The following TAFA1 variants were observed in gnomAD, a reference collection of about 807,000 sequenced individuals.
TAFA1 encodes chemokine-like protein TAFA-1.
In TAFA1, 4 loss-of-function variants were observed where a neutral mutation model predicts 18.5. The observed-to-expected ratio is 0.22, with a 90% confidence interval of 0.11 to 0.49. TAFA1 has a LOEUF of 0.49. Among genes scored for constraint, TAFA1 ranks in the 20% least tolerant of loss-of-function variants. The pLI is 0.98. For missense variants in TAFA1, 147 were observed against 169.0 expected (o/e 0.87, Z 0.72); for synonymous variants, 56 against 55.2 (o/e 1.01, Z -0.06).
intron 2 of TAFA1, among the ~76,000 whole-genome samples, chr3:68,060,184 CTGTGTGTGTGTGTGTGTGTTTGTG>C (rs898287625): frequency 1.4e-5 from 2 of 143,886 alleles, no homozygotes; most frequent in Non-Finnish European, 3.1e-5. Flanking sequence ...ACCATTGCAA[CTGTGTGTGTGTGTGTGTGTTTGTG>C]TGTGTGTGTG....
chr3:68,311,804 G>A (rs2068523130), intron 2 of TAFA1, among the ~76,000 whole-genome samples: 1 of 152,302 alleles, frequency 6.6e-6, no homozygotes, highest in South Asian at 2.1e-4. Flanking sequence ...GGAGGACGGT[G>A]GCCCTCTTCT....
chr3:68,149,514 G>A (rs1020132619), intron 2 of TAFA1, among the ~76,000 whole-genome samples: 3 of 152,148 alleles, frequency 2.0e-5, no homozygotes, highest in African/African-American at 7.2e-5. Context: ...AAGACAAAGG[G>A]GATCCAGTGT....
At chr3:68,258,500 T>C (rs1420405012) in intron 2 of TAFA1, among the ~76,000 whole-genome samples, 1 of 152,202 alleles carries the variant, frequency 6.6e-6, no homozygotes, top group Non-Finnish European at 1.5e-5. Context: ...TTTTTAATAA[T>C]TCTTTTCTCA....
At chr3:68,369,794 C>T (rs138640741) in intron 2 of TAFA1, among the ~76,000 whole-genome samples, 27 of 152,238 alleles carry the variant, frequency 1.8e-4, no homozygotes, top group African/African-American at 6.3e-4. Flanking sequence ...GAATGGTGTG[C>T]ACATTTGCAC....
intron 2 of TAFA1, among the ~76,000 whole-genome samples, chr3:68,238,123 A>G (rs750433092): frequency 1.1e-4 from 17 of 152,060 alleles, no homozygotes; most frequent in Non-Finnish European, 2.4e-4. Context: ...TGTTCGCTTC[A>G]GTTGCTTTTT....
chr3:68,099,571 A>C (rs1559519885), intron 2 of TAFA1, among the ~76,000 whole-genome samples: 1 of 152,170 alleles, frequency 6.6e-6, no homozygotes, highest in Non-Finnish European at 1.5e-5. Flanking sequence ...GTTCAGCCAC[A>C]GTGGAATGCT....
At chr3:68,384,185 C>A (rs181133235) in intron 2 of TAFA1, among the ~76,000 whole-genome samples, 3 of 152,040 alleles carry the variant, frequency 2.0e-5, no homozygotes, top group Admixed American at 6.6e-5. Context: ...TTCTTCAGTT[C>A]AGCTCTAATT....
Position 68,257,133 on chromosome 3 carries a change from G to A in TAFA1, c.119-160147G>A, listed in dbSNP as rs376112550. ...AGTTCTTTCCAGCCTCAGGGTATTTGCAACCTGCTGTTCTGCTACACAGGA... is the reference window on the plus strand; with the variant it reads ...AGTTCTTTCCAGCCTCAGGGTATTTACAACCTGCTGTTCTGCTACACAGGA... On this transcript the variant is annotated intron_variant, in intron 2 of 4. Coordinates refer to ENST00000478136, the MANE Select transcript of TAFA1 (RefSeq NM_213609.4). Among the ~76,000 whole-genome samples, 84 of 152,060 alleles carry A rather than the reference G, an allele frequency of 5.5e-4. 1 individual carries two copies. The highest frequency in any genetic ancestry group is 1.8e-3 in the African/African-American group (75 of 41,480).
chr3:68,475,022 C>T (rs2072064463), intron 3 of TAFA1, among the ~76,000 whole-genome samples: 1 of 152,130 alleles, frequency 6.6e-6, no homozygotes, highest in African/African-American at 2.4e-5. Context: ...ATCAAAGAAG[C>T]TCTGGTTCTT....
At position 68,067,244 on chromosome 3, in the gene TAFA1, A is replaced by T. The variant is rs544003676; in HGVS notation, c.118+60500A>T. On this transcript the variant is annotated intron_variant, in intron 2 of 4. Coordinates refer to ENST00000478136, the MANE Select transcript of TAFA1 (RefSeq NM_213609.4). ...TATCCTAAATATGCCTAACGTAAGG[A>T]TTTGCCTCTTTAATTGTCCCAGAGC... is the stretch of plus-strand genomic sequence containing the variant. 2.6e-5 allele frequency among the ~76,000 whole-genome samples: 4 copies of T among 152,252 alleles called. No individual in the cohort carries two copies. In the South Asian group the frequency reaches 8.3e-4, roughly 32 times the overall value.
chr3:68,208,271 G>A (rs1375341612), intron 2 of TAFA1, among the ~76,000 whole-genome samples: 1 of 151,866 alleles, frequency 6.6e-6, no homozygotes, highest in Non-Finnish European at 1.5e-5. Context: ...TGCGTTTATA[G>A]CCTTAGAGCT....
At chr3:68,539,682 GGGGCA>G (rs2073338889) in intron 4 of TAFA1, among the ~76,000 whole-genome samples, 1 of 13,660 alleles carries the variant, frequency 7.3e-5, no homozygotes, top group African/African-American at 2.1e-4. Context: ...TGTGTGTGGG[GGGGCA>G]TGGGGTGGGT....
intron 3 of TAFA1, among the ~76,000 whole-genome samples, chr3:68,506,320 G>C (rs1377947647): frequency 6.6e-6 from 1 of 151,804 alleles, no homozygotes; most frequent in Non-Finnish European, 1.5e-5. Context: ...CCAAGTCTTT[G>C]CTATTGTGAA....
chr3:68,211,644 TCA>T (rs1326205516), intron 2 of TAFA1, among the ~76,000 whole-genome samples: 1 of 152,040 alleles, frequency 6.6e-6, no homozygotes, highest in African/African-American at 2.4e-5. Flanking sequence ...TTTATTTGGC[TCA>T]CAGTTCTCCA....
At chr3:68,525,123 C>G (rs148914693) in intron 3 of TAFA1, among the ~76,000 whole-genome samples, 331 of 152,290 alleles carry the variant, frequency 2.2e-3, no homozygotes, top group African/African-American at 7.6e-3. Flanking sequence ...ACAGATCCAT[C>G]TGAAACATTG....
intron 2 of TAFA1, among the ~76,000 whole-genome samples, chr3:68,158,606 G>T (rs1443902689): frequency 4.6e-5 from 7 of 151,984 alleles, no homozygotes; most frequent in East Asian, 3.9e-4. Flanking sequence ...TGAATATAAG[G>T]TACAGTCATT....
At chr3:68,288,508 G>A (rs1459191725) in intron 2 of TAFA1, among the ~76,000 whole-genome samples, 1 of 152,162 alleles carries the variant, frequency 6.6e-6, no homozygotes, top group Admixed American at 6.5e-5. Flanking sequence ...TGTTTGTCAA[G>A]CAAGGCTAGA....
chr3:68,070,551 C>G (rs1037701707), intron 2 of TAFA1, among the ~76,000 whole-genome samples: 3 of 152,214 alleles, frequency 2.0e-5, no homozygotes, highest in Non-Finnish European at 2.9e-5. Context: ...TAACATTTGG[C>G]TCCTAGTTAC....
At chr3:68,020,114 T>A (rs901831283) in intron 2 of TAFA1, among the ~76,000 whole-genome samples, 2 of 152,236 alleles carry the variant, frequency 1.3e-5, no homozygotes, top group African/African-American at 2.4e-5. Context: ...AGATGAAACA[T>A]GTTGTCTGTT....
Sources: allele counts gnomAD v4.1 joint callset (sites outside exome capture counted in the v4.1 genomes callset), GRCh38; gene constraint gnomAD v4.1.1; transcripts MANE v1.5; gene names NCBI Gene and HGNC (gene_info 2026-07-23, HGNC 2026-07-21).